MGAT5: variants seen among roughly 807,000 people sequenced by gnomAD.
The protein encoded by MGAT5 is alpha-1,6-mannosylglycoprotein 6-beta-N-acetylglucosaminyltransferase.
Under a neutral mutation model 94.3 loss-of-function variants are expected in MGAT5, and 30 were observed. The observed-to-expected ratio is 0.32, with a 90% CI of 0.24 to 0.43. The LOEUF (loss-of-function observed/expected upper bound fraction) is 0.43, where lower values mean the gene tolerates loss of function less well. MGAT5 is among the 20% of genes least tolerant of loss of function. MGAT5 has a pLI of 1.00. For missense variants in MGAT5, 691 were observed against 905.5 expected, an observed-to-expected ratio of 0.76 and a Z score of 3.04; for synonymous variants, 310 against 322.9, an observed-to-expected ratio of 0.96 and a Z score of 0.43.
chr2:134,381,603 T>C (rs1331696864), intron 10 of MGAT5, among the ~76,000 whole-genome samples: 4 of 151,102 alleles, frequency 2.6e-5, no homozygotes, highest in Admixed American at 6.6e-5. Context: ...CTAAAATAGA[T>C]AGACAGACAG....
upstream of MGAT5, among the ~76,000 whole-genome samples, chr2:134,249,585 C>T (rs1288795146): frequency 6.6e-6 from 1 of 152,084 alleles, no homozygotes; most frequent in African/African-American, 2.4e-5. Flanking sequence ...CAGTTCATTC[C>T]TTTTTATAGC....
intron 6 of MGAT5, 92 bp from the exon 7 acceptor site, chr2:134,341,498 G>A (rs1573861371): frequency 2.8e-6 from 3 of 1,062,138 alleles, no homozygotes; most frequent in Admixed American, 2.6e-5. Flanking sequence ...ATGTAAACAT[G>A]ACTTTGGGAT....
chr2:134,417,780 A>T (rs949426110), intron 12 of MGAT5, among the ~76,000 whole-genome samples: 2 of 152,096 alleles, frequency 1.3e-5, no homozygotes, highest in Admixed American at 1.3e-4. Flanking sequence ...TTTGTATCAT[A>T]TAGCAGTGGA....
chr2:134,271,223 C>G (rs1324110079), intron 2 of MGAT5, among the ~76,000 whole-genome samples: 1 of 151,960 alleles, frequency 6.6e-6, no homozygotes, highest in South Asian at 2.1e-4. Context: ...TAGAACCCCC[C>G]CATCCCCGCA....
chr2:134,132,122 T>C (rs139782204), intron 1 of MGAT5, among the ~76,000 whole-genome samples: 1 of 152,246 alleles, frequency 6.6e-6, no homozygotes, highest in Non-Finnish European at 1.5e-5. Flanking sequence ...GTTTGAATAG[T>C]GTAGAAAGTA....
intron 2 of MGAT5, among the ~76,000 whole-genome samples, chr2:134,275,454 A>G (rs1336867479): frequency 2.6e-5 from 4 of 151,708 alleles, no homozygotes; most frequent in African/African-American, 9.7e-5. Flanking sequence ...TTCAGAAGTG[A>G]TGGTGATCTT....
At chr2:134,226,696 G>A (rs1292850732) in intron 1 of MGAT5, among the ~76,000 whole-genome samples, 1 of 152,170 alleles carries the variant, frequency 6.6e-6, no homozygotes, top group Non-Finnish European at 1.5e-5. Flanking sequence ...CTTGATTTGA[G>A]CCCCTAGCGC....
rs151295694 is a variant in MGAT5 at position 134,423,716 on chromosome 2, C to G, written c.1794+797C>G. ...GGTTCAGTTCTAGCTCTACCACTTA[C>G]TAGCAGCTTCCCCTCATGTATAATG... On this transcript the variant is annotated intron_variant, in intron 13 of 15. Transcript: ENST00000281923. Among the ~76,000 whole-genome samples, 32 of 152,310 alleles carry G rather than the reference C, an allele frequency of 2.1e-4. No homozygotes were observed. The East Asian group carries it at 6.0e-3, about 28-fold the overall frequency.
chr2:134,352,227 A>AAATC (rs1465762345), intron 9 of MGAT5, among the ~76,000 whole-genome samples: 55 of 152,310 alleles, frequency 3.6e-4, no homozygotes, highest in African/African-American at 1.3e-3. Flanking sequence ...ATAATGAGCA[A>AAATC]AATCAAGATG....
At chr2:134,417,763 T>C (rs570403304) in intron 12 of MGAT5, among the ~76,000 whole-genome samples, 2 of 152,248 alleles carry the variant, frequency 1.3e-5, no homozygotes, top group African/African-American at 4.8e-5. Flanking sequence ...CTGTTTATCC[T>C]CAAATTTTTG....
At chr2:134,140,419 C>T (rs572597782) in intron 1 of MGAT5, among the ~76,000 whole-genome samples, 11 of 152,316 alleles carry the variant, frequency 7.2e-5, no homozygotes, top group South Asian at 2.1e-4. Context: ...TGGGGACTGA[C>T]GCTTTCCCTG....
chr2:134,245,255 G>A (rs551438641), intron 1 of MGAT5, among the ~76,000 whole-genome samples: 20 of 152,204 alleles, frequency 1.3e-4, no homozygotes, highest in Non-Finnish European at 2.4e-4. Flanking sequence ...CTCGTGATCC[G>A]CCCCCTCGGC....
chr2:134,374,368 T>C (rs17727887), intron 10 of MGAT5, among the ~76,000 whole-genome samples: 25,963 of 152,178 alleles, frequency 0.17, 2,406 homozygotes, highest in Middle Eastern at 0.38. Flanking sequence ...TGCAGATCCA[T>C]GTCATAAACA....
intron 2 of MGAT5, among the ~76,000 whole-genome samples, chr2:134,275,383 G>T (rs1684296300): frequency 6.6e-6 from 1 of 152,096 alleles, no homozygotes; most frequent in Non-Finnish European, 1.5e-5. Context: ...GTCTTTGTTG[G>T]TATGGTTTTC....
chr2:134,162,896 A>T (rs769805811), intron 1 of MGAT5, among the ~76,000 whole-genome samples: 5 of 152,196 alleles, frequency 3.3e-5, no homozygotes, highest in African/African-American at 7.2e-5. Context: ...CTGTGTATTG[A>T]AGTGGGATGA....
intron 14 of MGAT5, among the ~76,000 whole-genome samples, chr2:134,439,448 G>A (rs779420040): frequency 3.9e-5 from 6 of 152,164 alleles, no homozygotes; most frequent in Non-Finnish European, 7.3e-5. Flanking sequence ...TGTAATCCCG[G>A]CACTTTGGGA....
At chr2:134,345,776 A>C (rs904996392) in intron 8 of MGAT5, among the ~76,000 whole-genome samples, 1 of 152,196 alleles carries the variant, frequency 6.6e-6, no homozygotes, top group Non-Finnish European at 1.5e-5. Flanking sequence ...TACTTTTAAC[A>C]CATGCATTTT....
chr2:134,395,822 G>A (rs538726537), intron 10 of MGAT5, among the ~76,000 whole-genome samples: 43 of 152,332 alleles, frequency 2.8e-4, no homozygotes, highest in African/African-American at 1.0e-3. Flanking sequence ...GTTTGTGGCT[G>A]TTCTTTCTTC....
chr2:134,169,940 T>A (rs527631863), intron 1 of MGAT5, among the ~76,000 whole-genome samples: 2 of 152,302 alleles, frequency 1.3e-5, no homozygotes, highest in South Asian at 4.1e-4. Context: ...GATAATAAAC[T>A]ACTTCTTTAT....
Sources: allele counts gnomAD v4.1 joint callset (sites outside exome capture counted in the v4.1 genomes callset), GRCh38; gene constraint gnomAD v4.1.1; transcripts MANE v1.5; gene names NCBI Gene and HGNC (gene_info 2026-07-23, HGNC 2026-07-21).